DNASE2B: variants seen among roughly 807,000 people sequenced by gnomAD.
DNASE2B encodes deoxyribonuclease 2 beta.
DNASE2B carries 43 observed loss-of-function variants against 46.0 expected under a neutral mutation model. The ratio of observed to expected loss-of-function variants is 0.94; its 90% CI spans 0.73 to 1.21. DNASE2B has a LOEUF of 1.21. DNASE2B is among the 50% of genes most tolerant of loss of function. The pLI is 0.00. For missense variants in DNASE2B, 395 were observed against 414.4 expected, an observed-to-expected ratio of 0.95 and a Z score of 0.41; for synonymous variants, 156 against 152.5, an observed-to-expected ratio of 1.02 and a Z score of -0.17.
At chr1:84,398,959 G>C (rs1411294022) in intron 1 of DNASE2B, among the ~76,000 whole-genome samples, 2 of 152,232 alleles carry the variant, frequency 1.3e-5, no homozygotes, top group Admixed American at 1.3e-4. Context: ...AAGTGGGATT[G>C]AGCTGACAGC....
chr1:84,409,728 C>G (rs1680555943), intron 3 of DNASE2B, among the ~76,000 whole-genome samples: 1 of 152,218 alleles, frequency 6.6e-6, no homozygotes, highest in Non-Finnish European at 1.5e-5. Flanking sequence ...ACCCTGCTAA[C>G]TGCCACAAGG....
chr1:84,402,226 A>G (rs895741212), intron 2 of DNASE2B, 148 bp downstream of exon 2: 4 of 664,778 alleles, frequency 6.0e-6, no homozygotes, highest in Non-Finnish European at 7.1e-6. Context: ...CAAGACAACT[A>G]TCTGAGTCAA....
At position 84,412,498 on chromosome 1, in the gene DNASE2B, C is replaced by A. The variant is rs1359696029; in HGVS notation, c.697C>A (p.Gln233Lys). 3 of 1,613,026 alleles carry A rather than the reference C, an allele frequency of 1.9e-6. No homozygotes were observed. The South Asian group carries it at 3.3e-5, about 18-fold the overall frequency. The change falls in exon 5 of 6, where the codon CAG (glutamine) becomes AAG (lysine). Residue 233 changes from glutamine to lysine, a missense_variant. Physicochemically the swap from Gln to Lys is moderately conservative, Grantham distance 53. Coordinates refer to ENST00000370665, the MANE Select transcript of DNASE2B (RefSeq NM_021233.3). ...GCTCCTCACCACACTTCAGTCGGCC[C>A]AGGGACAAAAATTCCTCCATTTTGC... ...GRLLTTLQSA[Q>K]GQKFLHFAKS...
Position 84,398,577 on chromosome 1 carries a change from A to T in DNASE2B, c.13A>T (p.Met5Leu), listed in dbSNP as rs1570296636. MKQK[M>L]MARLLRTSFA... ...TGGCATGAAATAAATGAAACAGAAA[A>T]TGATGGCAAGACTGCTAAGAACATC... Residue 5 changes from methionine (M) to leucine (L), a missense_variant, in exon 1 of 6, where the codon ATG becomes TTG. Coordinates refer to ENST00000370665, the MANE Select transcript of DNASE2B (RefSeq NM_021233.3). 5.0e-6 allele frequency: 8 copies of T among 1,613,780 alleles called. No homozygotes were observed. Among genetic ancestry groups the T allele is most frequent in the Non-Finnish European group, 6.8e-6 (8 of 1,179,752 alleles).
At position 84,411,461 on chromosome 1, in the gene DNASE2B, TG is replaced by T. The variant is rs1680594048; in HGVS notation, c.547+463del. Among the ~76,000 whole-genome samples the T allele has an allele frequency of 2.5e-4, 13 of 51,160 alleles. No homozygotes were observed. In the South Asian group the frequency reaches 8.6e-3, roughly 34 times the overall value. The allele number at this position is 51,160 out of a possible 152,430, so 33.6% of individuals were successfully genotyped here. ...GTGTGTGTGTGTGTGTGTGTGTGTGTGTGTGTGTGTGTGTGTGTGTGTCAGA... is the reference window on the plus strand; with the variant it reads ...GTGTGTGTGTGTGTGTGTGTGTGTGTTGTGTGTGTGTGTGTGTGTGTCAGA... On this transcript the variant is annotated intron_variant, in intron 4 of 5. Transcript: ENST00000370665.
chr1:84,409,234 C>CTATT (rs1399457856), intron 3 of DNASE2B, among the ~76,000 whole-genome samples: 1 of 152,118 alleles, frequency 6.6e-6, no homozygotes, highest in Non-Finnish European at 1.5e-5. Flanking sequence ...ACTGTAATGA[C>CTATT]TATTTTTCAA....
intron 1 of DNASE2B, among the ~76,000 whole-genome samples, chr1:84,399,051 G>C (rs3768256): frequency 0.29 from 43,929 of 152,104 alleles, 6,607 homozygotes; most frequent in East Asian, 0.41. Flanking sequence ...AAGACTGACA[G>C]AGTAAAGAAG....
At position 84,414,657 on chromosome 1, in the gene DNASE2B, A is replaced by T; in HGVS notation, c.875A>T (p.Lys292Ile). The T allele has an allele frequency of 6.2e-7, 1 of 1,614,116 alleles. No homozygotes were observed. Among genetic ancestry groups the T allele is most frequent in the Non-Finnish European group, 8.5e-7 (1 of 1,180,004 alleles). The change falls in exon 6 of 6, where the codon AAA (lysine) becomes ATA (isoleucine). Residue 292 changes from lysine to isoleucine, a missense_variant. Physicochemically the swap from Lys to Ile is moderately radical, Grantham distance 102. Coordinates refer to ENST00000370665, the MANE Select transcript of DNASE2B (RefSeq NM_021233.3). Reference sequence around the variant, plus strand: ...CATGTCTACAATATAAAAGCAATTAAATTATCACGACACTCTTATTTCAGT... The same window carrying T: ...CATGTCTACAATATAAAAGCAATTATATTATCACGACACTCTTATTTCAGT... ...PYHVYNIKAI[K>I]LSRHSYFSSY...
intron 3 of DNASE2B, among the ~76,000 whole-genome samples, chr1:84,410,346 CTTCTGCCAATAAA>C (rs1347391880): frequency 6.6e-6 from 1 of 152,152 alleles, no homozygotes; most frequent in African/African-American, 2.4e-5. Context: ...AATAGTGACT[CTTCTGCCAATAAA>C]TGGGCAGCAG....
intron 2 of DNASE2B, among the ~76,000 whole-genome samples, chr1:84,405,692 C>T (rs1015024303): frequency 2.0e-5 from 3 of 152,146 alleles, no homozygotes; most frequent in Non-Finnish European, 4.4e-5. Context: ...GAGAGAACTG[C>T]TCACGTGGAG....
chr1:84,412,697 A>G (rs3116423), intron 5 of DNASE2B, 151 bp downstream of exon 5: 727,209 of 731,232 alleles, frequency 0.99, 361,714 homozygotes, highest in East Asian at 1. Context: ...GGATCAGTTC[A>G]AACATCAGCC....
chr1:84,398,583 G>T lies in DNASE2B; in HGVS notation c.19G>T (p.Ala7Ser). The T allele has an allele frequency of 1.9e-6, 3 of 1,613,786 alleles. No homozygotes were observed. The highest frequency in any genetic ancestry group is 2.5e-6 in the Non-Finnish European group (3 of 1,179,766). Residue 7 changes from alanine to serine, a missense_variant, in exon 1 of 6, where the codon GCA (alanine) becomes TCA (serine). Physicochemically the swap from Ala to Ser is moderately conservative, Grantham distance 99. Transcript: ENST00000370665. The part of the protein sequence containing the change: MKQKMM[A>S]RLLRTSFALL... ...GAAATAAATGAAACAGAAAATGATG[G>T]CAAGACTGCTAAGAACATCCTTTGC...
Position 84,414,646 on chromosome 1 carries a change from A to G in DNASE2B, c.864A>G (p.Ile288Met). ...CCCTTCCTTACCATGTCTACAATAT[A>G]AAAGCAATTAAATTATCACGACACT... ...NCSLPYHVYN[I>M]KAIKLSRHSY... The change falls in exon 6 of 6, where the codon ATA (isoleucine) becomes ATG (methionine). Residue 288 changes from isoleucine to methionine, a missense_variant. Transcript: ENST00000370665. 1.2e-6 allele frequency: 2 copies of G among 1,614,166 alleles called. No homozygotes were observed. The highest frequency in any genetic ancestry group is 1.7e-6 in the Non-Finnish European group (2 of 1,180,010).
Position 84,410,867 on chromosome 1 carries a change from T to A in DNASE2B, c.415T>A (p.Phe139Ile), listed in dbSNP as rs775028829. Residue 139 changes from phenylalanine (F) to isoleucine (I), a missense_variant, in exon 4 of 6, where the codon TTC becomes ATC. By Grantham distance (21) the Phe-to-Ile change is conservative. Coordinates refer to ENST00000370665, the MANE Select transcript of DNASE2B (RefSeq NM_021233.3). The stretch of plus-strand genomic sequence containing the variant: ...ACTGCTGTGGAACAGAGTTCAAGGG[T>A]TCTGGCTGATTCATTCCATCCCTCA... ...GLLLWNRVQG[F>I]WLIHSIPQFP... is the part of the protein sequence containing the mutation. The A allele has an allele frequency of 6.2e-7, 1 of 1,613,612 alleles. No individual in the cohort carries two copies. The highest frequency in any genetic ancestry group is 8.5e-7 in the Non-Finnish European group (1 of 1,179,734).
chr1:84,407,132 G>T (rs915316235), intron 2 of DNASE2B, among the ~76,000 whole-genome samples: 2 of 152,098 alleles, frequency 1.3e-5, no homozygotes, highest in African/African-American at 4.8e-5. Flanking sequence ...TTTATCAATA[G>T]CCTCTCTTCC....
intron 2 of DNASE2B, among the ~76,000 whole-genome samples, chr1:84,402,818 T>A (rs979977712): frequency 6.6e-6 from 1 of 152,214 alleles, no homozygotes; most frequent in African/African-American, 2.4e-5. Flanking sequence ...TGTATGCATT[T>A]CCTAACAATA....
intron 3 of DNASE2B, among the ~76,000 whole-genome samples, chr1:84,410,411 T>C (rs1680567931): frequency 6.6e-6 from 1 of 152,230 alleles, no homozygotes; most frequent in Non-Finnish European, 1.5e-5. Flanking sequence ...CTTCATTTGA[T>C]ATTTTCTCTT....
intron 2 of DNASE2B, among the ~76,000 whole-genome samples, chr1:84,406,176 C>T (rs1038693908): frequency 2.0e-5 from 3 of 151,852 alleles, no homozygotes; most frequent in African/African-American, 4.8e-5. Context: ...AAGGGCCAAC[C>T]GTATTATATA....
At position 84,414,734 on chromosome 1, in the gene DNASE2B, C is replaced by T; in HGVS notation, c.952C>T (p.Arg318Cys). ...WCISQKGTKN[R>C]WTCIGDLNRS... is the part of the protein sequence containing the mutation. Reference sequence around the variant, plus strand: ...TATTTCCCAAAAGGGCACCAAAAATCGCTGGACATGTATTGGAGACCTAAA... The same window carrying T: ...TATTTCCCAAAAGGGCACCAAAAATTGCTGGACATGTATTGGAGACCTAAA... Residue 318 changes from arginine to cysteine, a missense_variant, in exon 6 of 6, where the codon CGC (arginine) becomes TGC (cysteine). Physicochemically the swap from Arg to Cys is radical, Grantham distance 180 (BLOSUM62 -3). Coordinates refer to ENST00000370665, the MANE Select transcript of DNASE2B (RefSeq NM_021233.3). The T allele has an allele frequency of 3.7e-6, 6 of 1,614,154 alleles. No individual in the cohort carries two copies. Among genetic ancestry groups the T allele is most frequent in the African/African-American group, 2.7e-5 (2 of 75,036 alleles).
Sources: gnomAD v4.1 joint callset for allele counts (sites outside exome capture counted in the v4.1 genomes callset) on GRCh38, gnomAD v4.1.1 for gene constraint, MANE v1.5 for transcripts, NCBI Gene and HGNC (gene_info 2026-07-23, HGNC 2026-07-21) for gene names.